The following ANKRD44 variants were observed in gnomAD, a reference collection of about 807,000 sequenced individuals.
ANKRD44 encodes serine/threonine-protein phosphatase 6 regulatory ankyrin repeat subunit B.
A neutral mutation model predicts 116.0 loss-of-function variants in ANKRD44; 35 were observed. The ratio of observed to expected loss-of-function variants is 0.30; its 90% CI spans 0.23 to 0.40. ANKRD44 has a LOEUF of 0.40. Ranked by LOEUF, ANKRD44 falls within the 10% of genes least tolerant of loss-of-function variation. The pLI is 1.00. For missense variants in ANKRD44, 1,014 were observed against 1,242.6 expected (o/e 0.82, Z 2.77); for synonymous variants, 435 against 461.8 (o/e 0.94, Z 0.74).
chr2:197,121,639 A>C (rs778832514), intron 7 of ANKRD44, 95 bp from the exon 8 acceptor site: 233 of 1,038,544 alleles, frequency 2.2e-4, no homozygotes, highest in Middle Eastern at 2.5e-4. Context: ...AGAGAAAGGA[A>C]ATAGCCATCC....
intron 1 of ANKRD44, among the ~76,000 whole-genome samples, chr2:197,304,294 A>G (rs2084003610): frequency 6.6e-6 from 1 of 152,184 alleles, no homozygotes; most frequent in Non-Finnish European, 1.5e-5. Flanking sequence ...AGCCTGGGAA[A>G]CAGAGCGAGA....
chr2:197,288,508 C>A (rs1479410589), intron 1 of ANKRD44, among the ~76,000 whole-genome samples: 2 of 152,078 alleles, frequency 1.3e-5, no homozygotes, highest in African/African-American at 4.8e-5. Flanking sequence ...GAAAAGAAAC[C>A]ACTATGTAAA....
chr2:197,171,748 TC>T (rs2080239630), intron 2 of ANKRD44, among the ~76,000 whole-genome samples: 1 of 152,134 alleles, frequency 6.6e-6, no homozygotes, highest in Non-Finnish European at 1.5e-5. Flanking sequence ...AATGTGCCAC[TC>T]TTGGGTGGGA....
At position 196,989,527 on chromosome 2, in the gene ANKRD44, T is replaced by C. The variant is rs957974309; in HGVS notation, c.*64A>G. 1.8e-5 allele frequency: 27 copies of C among 1,500,938 alleles called. No homozygotes were observed. The highest frequency in any genetic ancestry group is 4.2e-5 in the Admixed American group (2 of 47,680). 93.0% of individuals were successfully genotyped at this position (1,500,938 alleles called of 1,614,324 possible). A position where few individuals can be genotyped will look rare whatever the true frequency, so the allele number is the denominator to read the frequency against. On this transcript the variant is annotated 3_prime_UTR_variant, in exon 28 of 28. Coordinates refer to ENST00000282272, the MANE Select transcript of ANKRD44 (RefSeq NM_001195144.2). ...GATGAACTACACACACACACACATA[T>C]ATATATATATACACACGCACACATA...
intron 21 of ANKRD44, among the ~76,000 whole-genome samples, chr2:196,977,802 CAT>C (rs769168594): frequency 2.6e-5 from 4 of 152,070 alleles, no homozygotes; most frequent in Non-Finnish European, 4.4e-5. Context: ...AAATGATAAA[CAT>C]AGAGTTACCA....
chr2:197,091,978 C>G (rs1476021936), intron 10 of ANKRD44, among the ~76,000 whole-genome samples: 8 of 152,134 alleles, frequency 5.3e-5, no homozygotes, highest in Non-Finnish European at 1.2e-4. Flanking sequence ...GACACAGTCA[C>G]CAGGATGACC....
chr2:197,107,798 G>C (rs1480109105), intron 9 of ANKRD44, among the ~76,000 whole-genome samples: 1 of 152,216 alleles, frequency 6.6e-6, no homozygotes, highest in African/African-American at 2.4e-5. Context: ...CAGGCCCTAG[G>C]GGCATGAGCT....
intron 17 of ANKRD44, among the ~76,000 whole-genome samples, chr2:197,022,310 T>A (rs1574293693): frequency 6.6e-6 from 1 of 152,224 alleles, no homozygotes; most frequent in African/African-American, 2.4e-5. Flanking sequence ...ATGGTCATCA[T>A]CTCTTGCCTG....
chr2:197,240,374 C>CA (rs5837533), intron 1 of ANKRD44, among the ~76,000 whole-genome samples: 11,556 of 96,534 alleles, frequency 0.12, 724 homozygotes, highest in Non-Finnish European at 0.14. Context: ...GGCTCCAGCT[C>CA]AAAAAAAAAA....
intron 16 of ANKRD44, among the ~76,000 whole-genome samples, chr2:197,049,030 T>G (rs1391069450): frequency 6.6e-6 from 1 of 151,542 alleles, no homozygotes; most frequent in Non-Finnish European, 1.5e-5. Flanking sequence ...TTTGATGGGG[T>G]TTTTTTTTCT....
intron 1 of ANKRD44, among the ~76,000 whole-genome samples, chr2:197,258,270 C>CTTTTTTTTTTTTTTTTTTTTT (rs71395680): frequency 1.1e-4 from 9 of 79,222 alleles, no homozygotes; most frequent in Non-Finnish European, 1.5e-4. Flanking sequence ...TTGGCTAATC[C>CTTTTTTTTTTTTTTTTTTTTT]TTTTTTTTTT....
intron 1 of ANKRD44, among the ~76,000 whole-genome samples, chr2:197,197,586 G>A (rs561073083): frequency 1.6e-4 from 25 of 152,148 alleles, no homozygotes; most frequent in African/African-American, 4.6e-4. Flanking sequence ...CAAGGCAGGC[G>A]GATCACTTGA....
intron 1 of ANKRD44, among the ~76,000 whole-genome samples, chr2:197,280,461 CT>C (rs78477541): frequency 0.2 from 31,175 of 152,092 alleles, 3,420 homozygotes; most frequent in Middle Eastern, 0.33. Flanking sequence ...AGAGTTTTTG[CT>C]CTAAAAACAT....
chr2:197,171,549 T>G (rs796702099), intron 2 of ANKRD44, among the ~76,000 whole-genome samples: 4 of 152,146 alleles, frequency 2.6e-5, no homozygotes, highest in African/African-American at 9.7e-5. Context: ...GAAGGATGAT[T>G]AGGGAGAACA....
chr2:197,256,488 T>C (rs1241424231), intron 1 of ANKRD44, among the ~76,000 whole-genome samples: 1 of 152,030 alleles, frequency 6.6e-6, no homozygotes, highest in Non-Finnish European at 1.5e-5. Context: ...GTTATCTACA[T>C]CAAAGTAACA....
At chr2:197,012,530 C>A (rs986543756) in intron 18 of ANKRD44, among the ~76,000 whole-genome samples, 1 of 151,446 alleles carries the variant, frequency 6.6e-6, no homozygotes. Context: ...CTATTACTAA[C>A]CTTATGGCTA....
chr2:197,028,188 A>C (rs1034420360), intron 16 of ANKRD44, among the ~76,000 whole-genome samples: 6 of 152,042 alleles, frequency 3.9e-5, no homozygotes, highest in Admixed American at 3.9e-4. Flanking sequence ...CTTTCAGATA[A>C]ATTGTTCCCC....
At chr2:197,273,313 A>AT (rs925065357) in intron 1 of ANKRD44, among the ~76,000 whole-genome samples, 3 of 152,204 alleles carry the variant, frequency 2.0e-5, no homozygotes, top group Non-Finnish European at 4.4e-5. Context: ...AGTTAACCCG[A>AT]TTTTTTTAAC....
At chr2:197,303,742 A>G (rs191351679) in intron 1 of ANKRD44, among the ~76,000 whole-genome samples, 165 of 152,354 alleles carry the variant, frequency 1.1e-3, no homozygotes, top group African/African-American at 3.8e-3. Context: ...AACAGCCCAA[A>G]GTGGACTATA....
Sources: allele counts gnomAD v4.1 joint callset (sites outside exome capture counted in the v4.1 genomes callset), GRCh38; gene constraint gnomAD v4.1.1; transcripts MANE v1.5; gene names NCBI Gene and HGNC (gene_info 2026-07-23, HGNC 2026-07-21).